RGS19: variants seen among roughly 807,000 people sequenced by gnomAD.
The protein encoded by RGS19 is regulator of G protein signaling 19.
A neutral mutation model predicts 22.0 loss-of-function variants in RGS19; 9 were observed. The observed-to-expected ratio is 0.41, with a 90% CI of 0.25 to 0.71. The LOEUF (loss-of-function observed/expected upper bound fraction) is 0.71, where lower values mean the gene tolerates loss of function less well. RGS19 is among the 30% of genes least tolerant of loss of function. The probability of loss-of-function intolerance (pLI) is 0.32; values close to 1 mark genes in which losing one functional copy is unlikely to be tolerated. For synonymous variants in RGS19, 130 were observed against 127.3 expected (o/e 1.02, Z -0.14); for missense variants, 256 against 307.1 (o/e 0.83, Z 1.24).
rs780000333 is a variant in RGS19, at chr20:64,076,510, C to A, written c.152+15G>T. On this transcript the variant is annotated intron_variant, in intron 3 of 5. Transcript: ENST00000395042. ...TCGACCCCCTCGCCAGCTGGGCACC[C>A]CAGGCCCTACTCACCAGGAGCAGCT... is the stretch of plus-strand genomic sequence containing the variant. 7 of 1,612,614 alleles carry A rather than the reference C, an allele frequency of 4.3e-6. No homozygotes were observed. The Admixed American group carries it at 1.2e-4, about 27-fold the overall frequency.
At chr20:64,076,693 G>C (rs200594140) in intron 2 of RGS19, 47 bp from the exon 3 acceptor site, 1 of 1,553,814 alleles carries the variant, frequency 6.4e-7, no homozygotes, top group East Asian at 2.3e-5. Flanking sequence ...GAACCCACCA[G>C]ACTCTCCACC....
At position 64,073,284 on chromosome 20, in the gene RGS19, A is replaced by G. The variant is rs1460884520; in HGVS notation, c.*569T>C. On this transcript the variant is annotated 3_prime_UTR_variant, in exon 6 of 6. Transcript: ENST00000395042. The stretch of plus-strand genomic sequence containing the variant: ...TTTTGATAAAACACCTAGTAAGGAC[A>G]TGTTTCCAGGTTTAAAGTTCATGAA... 6.6e-6 allele frequency: 1 copy of G among 152,318 alleles called. No homozygotes were observed. The highest frequency in any genetic ancestry group is 2.4e-5 in the African/African-American group (1 of 41,462). 9.4% of individuals were successfully genotyped at this position (152,318 alleles called of 1,614,324 possible).
chr20:64,077,603 T>G (rs887449979), intron 1 of RGS19, among the ~76,000 whole-genome samples: 8 of 152,094 alleles, frequency 5.3e-5, no homozygotes, highest in African/African-American at 1.9e-4. Flanking sequence ...CCTCCCTCCT[T>G]GCCCACTGCC....
At chr20:64,077,097 A>C in intron 1 of RGS19, 143 bp from the exon 2 acceptor site, 2 of 454,402 alleles carry the variant, frequency 4.4e-6, no homozygotes, top group South Asian at 5.2e-5. Context: ...TTCTACCCCG[A>C]CCCCAAGCTT....
At chr20:64,074,085 C>T in intron 5 of RGS19, 41 bp from the exon 6 acceptor site, 1 of 1,602,178 alleles carries the variant, frequency 6.2e-7, no homozygotes, top group Non-Finnish European at 8.5e-7. Flanking sequence ...GCGGGAGCTG[C>T]CTTCCCCACC....
Position 64,073,816 on chromosome 20 carries a change from C to T in RGS19, c.*37G>A, listed in dbSNP as rs757616354. The T allele has an allele frequency of 2.1e-5, 33 of 1,548,544 alleles. No homozygotes were observed. In the East Asian group the frequency reaches 5.9e-4, roughly 28 times the overall value. ...CACCTGAAGGGAACCCAGAGTCGGCCGTAGGAGGCGGCGGGGTCTGTGCTG... is the reference window on the plus strand; with the variant it reads ...CACCTGAAGGGAACCCAGAGTCGGCTGTAGGAGGCGGCGGGGTCTGTGCTG... On this transcript the variant is annotated 3_prime_UTR_variant, in exon 6 of 6. Transcript: ENST00000395042.
chr20:64,079,521 C>CGGGGTG (rs2059941038), upstream of RGS19: 1 of 144,760 alleles, frequency 6.9e-6, no homozygotes, highest in Non-Finnish European at 1.5e-5. The surrounding 1 kb of genome is among the most constrained non-coding windows in gnomAD (Gnocchi z 5.1). Flanking sequence ...CCAGATCCAG[C>CGGGGTG]GGGGTGGGGG....
In RGS19 at chr20:64,079,026, T is replaced by C. The variant is rs893529138; in HGVS notation, c.-69+268A>G. On this transcript the variant is annotated intron_variant, in intron 1 of 5. Transcript: ENST00000395042. This position sits in a 1 kb window ranked among gnomAD's most constrained non-coding sequence, Gnocchi z 5.1. Reference sequence around the variant, plus strand: ...AATGTCATAACCTTTGGGAGGGGGGTTGAAGAGGGGCTCCATTCTCAGTCC... The same window carrying C: ...AATGTCATAACCTTTGGGAGGGGGGCTGAAGAGGGGCTCCATTCTCAGTCC... Among the ~76,000 whole-genome samples, 1 of 151,100 alleles carries C rather than the reference T, an allele frequency of 6.6e-6. No homozygotes were observed. Among genetic ancestry groups the C allele is most frequent in the African/African-American group, 2.4e-5 (1 of 40,974 alleles).
In RGS19 at chr20:64,077,983, G is replaced by A. The variant is rs553465110; in HGVS notation, c.-68-1029C>T. On this transcript the variant is annotated intron_variant, in intron 1 of 5. Coordinates refer to ENST00000395042, the MANE Select transcript of RGS19 (RefSeq NM_005873.3). ...ACATCCGCCACCCTCCTCATGTGCC[G>A]CCACCCTCCCTGGCCAGGAAGCTCA... 2.5e-3 allele frequency among the ~76,000 whole-genome samples: 375 copies of A among 152,278 alleles called. 17 individuals carry two copies. In the South Asian group the frequency reaches 0.062, roughly 25 times the overall value.
In RGS19 at chr20:64,073,897, C is replaced by A. The variant is rs569130866; in HGVS notation, c.610G>T (p.Ala204Ser). The A allele has an allele frequency of 2.5e-6, 4 of 1,613,334 alleles. No individual in the cohort carries two copies. The highest frequency in any genetic ancestry group is 3.4e-6 in the Non-Finnish European group (4 of 1,179,778). Residue 204 changes from alanine (A) to serine (S), a missense_variant, in exon 6 of 6, where the codon GCC becomes TCC. Coordinates refer to ENST00000395042, the MANE Select transcript of RGS19 (RefSeq NM_005873.3). ...TGTGATGGCCCCTGCAGCAGCAGGG[C>A]ACGGTAGGTGGGAGAGCTGAGGAAG... The part of the protein sequence containing the change: ...PRFLSSPTYR[A>S]LLLQGPSQSS...
chr20:64,074,300 G>A lies in RGS19; in HGVS notation c.306C>T (p.Ser102=), dbSNP rs765300682. The A allele has an allele frequency of 2.5e-5, 40 of 1,612,678 alleles. No individual in the cohort carries two copies. Among genetic ancestry groups the A allele is most frequent in the Non-Finnish European group, 3.1e-5 (37 of 1,180,020 alleles). Residue 102 remains serine, a synonymous_variant, in exon 5 of 6, where the codon AGC becomes AGT. Transcript: ENST00000395042. ...DKLMHSPAGR[S]VFRAFLRTEY... is the part of the protein sequence containing the mutation. Reference sequence around the variant, plus strand: ...CTGTCCGCAGGAACGCCCGGAACACGCTGCGTCCCGCTGGGCTGTGCATCA... The same window carrying A: ...CTGTCCGCAGGAACGCCCGGAACACACTGCGTCCCGCTGGGCTGTGCATCA...
chr20:64,077,963 C>T (rs940246649), intron 1 of RGS19, among the ~76,000 whole-genome samples: 2 of 152,156 alleles, frequency 1.3e-5, no homozygotes, highest in Non-Finnish European at 2.9e-5. Flanking sequence ...CGTGCACATC[C>T]GCCACCCTCC....
rs2059909681 is a variant in RGS19, at chr20:64,076,860, C to T, written c.27G>A (p.Lys9=). 1.9e-6 allele frequency: 3 copies of T among 1,561,312 alleles called. No individual in the cohort carries two copies. Among genetic ancestry groups the T allele is most frequent in the African/African-American group, 2.8e-5 (2 of 71,550 alleles). MPTPHEAE[K]QITGPEEADR... is the part of the protein sequence containing the mutation. ...GGCAGAGGGGGAGGTGGCATACCTG[C>T]TTCTCAGCCTCATGCGGGGTGGGCA... Residue 9 remains lysine, a synonymous_variant, in exon 2 of 6, where the codon AAG becomes AAA. Coordinates refer to ENST00000395042, the MANE Select transcript of RGS19 (RefSeq NM_005873.3).
At chr20:64,076,770 C>G in intron 2 of RGS19, 87 bp downstream of exon 2, 3 of 1,544,508 alleles carry the variant, frequency 1.9e-6, no homozygotes, top group Non-Finnish European at 2.6e-6. Flanking sequence ...CCCGGGTGTT[C>G]AGGGATCTCC....
intron 3 of RGS19, 110 bp from the exon 4 acceptor site, chr20:64,074,651 G>A (rs756866218): frequency 5.1e-5 from 54 of 1,049,346 alleles, no homozygotes; most frequent in Non-Finnish European, 7.0e-5. Context: ...CACTGCAGGA[G>A]GGCAGCCCCT....
chr20:64,076,603 C>G lies in RGS19; in HGVS notation c.74G>C (p.Ser25Thr), dbSNP rs1296061074. The G allele has an allele frequency of 2.5e-6, 4 of 1,610,658 alleles. No individual in the cohort carries two copies. The highest frequency in any genetic ancestry group is 2.2e-5 in the East Asian group (1 of 44,884). ...EEADRPPSMS[S>T]HDTASPAAPS... ...GGCCGCTGGAGAGGCTGTATCATGA[C>G]TGGACATTGAAGGGGGCCGGTCCGC... Residue 25 changes from serine (S) to threonine (T), a missense_variant, in exon 3 of 6, where the codon AGT becomes ACT. By Grantham distance (58) the Ser-to-Thr change is moderately conservative. Transcript: ENST00000395042.
chr20:64,074,391 G>C lies in RGS19; in HGVS notation c.228-13C>G. On this transcript the variant is annotated splice_polypyrimidine_tract_variant and intron_variant, in intron 4 of 5. Transcript: ENST00000395042. ...ACTTGGCGTGGCACTGTGGGCACGG[G>C]GGCCAGGCTATGTCAGGCCCGAGTC... The C allele has an allele frequency of 1.3e-6, 2 of 1,599,042 alleles. No individual in the cohort carries two copies. Among genetic ancestry groups the C allele is most frequent in the Non-Finnish European group, 1.7e-6 (2 of 1,172,330 alleles).
chr20:64,077,489 G>T (rs1423700854), intron 1 of RGS19, among the ~76,000 whole-genome samples: 1 of 152,212 alleles, frequency 6.6e-6, no homozygotes, highest in Non-Finnish European at 1.5e-5. Flanking sequence ...TGGGACTCAG[G>T]CTGGACTTGC....
Position 64,074,037 on chromosome 20 carries a change from A to G in RGS19, c.470T>C (p.Leu157Pro). Residue 157 changes from leucine (L) to proline (P), a missense_variant, in exon 6 of 6, where the codon CTG becomes CCG. Coordinates refer to ENST00000395042, the MANE Select transcript of RGS19 (RefSeq NM_005873.3). ...GATGCCCTCCCGCACACGGGAGTCC[A>G]GGCTCACCTGCAGGACAAGACACTG... ...VSILSPKEVS[L>P]DSRVREGINK... The G allele has an allele frequency of 6.2e-7, 1 of 1,611,822 alleles. No individual in the cohort carries two copies. Among genetic ancestry groups the G allele is most frequent in the Non-Finnish European group, 8.5e-7 (1 of 1,178,604 alleles).
Sources: allele counts gnomAD v4.1 joint callset (sites outside exome capture counted in the v4.1 genomes callset), GRCh38; gene constraint gnomAD v4.1.1; non-coding constraint Gnocchi (gnomAD v3.1); transcripts MANE v1.5; gene names NCBI Gene and HGNC (gene_info 2026-07-23, HGNC 2026-07-21).